COL4A3: variants seen among roughly 807,000 people sequenced by gnomAD.
The protein encoded by COL4A3 is collagen type IV alpha 3 chain.
A neutral mutation model predicts 217.4 loss-of-function variants in COL4A3; 135 were observed. The ratio of observed to expected loss-of-function variants is 0.62; its 90% CI spans 0.54 to 0.72. COL4A3 has a LOEUF of 0.72. Among genes scored for constraint, COL4A3 ranks in the 30% least tolerant of loss-of-function variants. The probability of loss-of-function intolerance (pLI) is 0.00; values close to 1 mark genes in which losing one functional copy is unlikely to be tolerated. For missense variants in COL4A3, 1,868 were observed against 2,119.9 expected (o/e 0.88, Z 2.33); for synonymous variants, 690 against 736.3 (o/e 0.94, Z 1.02).
intron 1 of COL4A3, chr2:227,228,383 G>A (rs1275476396): frequency 6.6e-6 from 1 of 152,560 alleles, no homozygotes; most frequent in Non-Finnish European, 1.5e-5. Flanking sequence ...GCTATACTTG[G>A]TCAGCTCTTC....
At chr2:227,236,018 C>T (rs547275736) in intron 1 of COL4A3, among the ~76,000 whole-genome samples, 1 of 71,792 alleles carries the variant, frequency 1.4e-5, no homozygotes, top group East Asian at 2.1e-4. Context: ...AGGTGATCCG[C>T]CCCCCTGGGC....
chr2:227,190,224 G>A (rs2066180498), intron 1 of COL4A3, among the ~76,000 whole-genome samples: 1 of 152,190 alleles, frequency 6.6e-6, no homozygotes, highest in Non-Finnish European at 1.5e-5. Context: ...GCACATGCAG[G>A]TCCCTCAAGA....
At chr2:227,168,071 T>C (rs1312072250) in intron 1 of COL4A3, among the ~76,000 whole-genome samples, 7 of 152,262 alleles carry the variant, frequency 4.6e-5, no homozygotes. Context: ...TTTGTAGTAA[T>C]AGCTGCTGCA....
At chr2:227,195,242 TCATAATCCCAAATCACGTAAAATCC>T in intron 1 of COL4A3, among the ~76,000 whole-genome samples, 1 of 151,640 alleles carries the variant, frequency 6.6e-6, no homozygotes. Context: ...AAAAATAAAA[TCATAATCCCAAATCACGTAAAATCC>T]CATAATCCCA....
intron 46 of COL4A3, 84 bp from the exon 47 acceptor site, chr2:227,304,901 A>G: frequency 1.8e-6 from 2 of 1,122,360 alleles, no homozygotes; most frequent in South Asian, 1.3e-5. Context: ...TGAAACTGAG[A>G]AAGTCCTGGG....
At chr2:227,236,390 G>A (rs924509565) in intron 1 of COL4A3, among the ~76,000 whole-genome samples, 2 of 152,060 alleles carry the variant, frequency 1.3e-5, no homozygotes, top group African/African-American at 4.8e-5. Context: ...CAAGACTAAG[G>A]AAAGATATTC....
chr2:227,231,453 T>G (rs936587002), intron 1 of COL4A3, among the ~76,000 whole-genome samples: 2 of 152,204 alleles, frequency 1.3e-5, no homozygotes, highest in Non-Finnish European at 2.9e-5. Context: ...CAATATGAAA[T>G]AAGCACATCA....
intron 20 of COL4A3, 87 bp from the exon 21 acceptor site, chr2:227,263,693 A>T: frequency 1.5e-6 from 2 of 1,336,788 alleles, no homozygotes; most frequent in Non-Finnish European, 2.1e-6. Context: ...TTTTATAAAT[A>T]AAATTAAATC....
intron 42 of COL4A3, 130 bp from the exon 43 acceptor site, chr2:227,298,552 T>C (rs1001594637): frequency 7.5e-7 from 1 of 1,330,692 alleles, no homozygotes; most frequent in Non-Finnish European, 1.1e-6. Flanking sequence ...TCCCATCACA[T>C]GCTCCAGGGG....
At chr2:227,219,906 G>A (rs1432043555) in intron 1 of COL4A3, among the ~76,000 whole-genome samples, 1 of 152,090 alleles carries the variant, frequency 6.6e-6, no homozygotes, top group Non-Finnish European at 1.5e-5. Context: ...GAGGTATCCT[G>A]TCCTTTGAGG....
At chr2:227,224,535 G>A (rs1471342423) in intron 1 of COL4A3, among the ~76,000 whole-genome samples, 3 of 152,182 alleles carry the variant, frequency 2.0e-5, no homozygotes, top group Non-Finnish European at 4.4e-5. Context: ...TGGATCACCT[G>A]AGGTCAGGAG....
At position 227,270,946 on chromosome 2, in the gene COL4A3, C is replaced by T. The variant is rs746928034; in HGVS notation, c.1752C>T (p.Gly584=). 3.7e-5 allele frequency: 60 copies of T among 1,613,728 alleles called. No homozygotes were observed. Among genetic ancestry groups the T allele is most frequent in the South Asian group, 4.4e-5 (4 of 91,068 alleles). The change falls in exon 25 of 52, where the codon GGC becomes GGT. Residue 584 remains glycine, a synonymous_variant. Coordinates refer to ENST00000396578, the MANE Select transcript of COL4A3 (RefSeq NM_000091.5). Reference sequence around the variant, plus strand: ...TGAAAGGATTACCAGGACCTAAAGGCGAACTGGTTGGTATTTAGCAACTTT... The same window carrying T: ...TGAAAGGATTACCAGGACCTAAAGGTGAACTGGTTGGTATTTAGCAACTTT... ...PGVKGLPGPK[G]ELALSGEKGD... is the part of the protein sequence containing the mutation.
intron 1 of COL4A3, among the ~76,000 whole-genome samples, chr2:227,227,262 C>T (rs2068149173): frequency 6.6e-6 from 1 of 152,130 alleles, no homozygotes; most frequent in South Asian, 2.1e-4. Context: ...AGAAACATAC[C>T]CCTCCTCCCC....
At chr2:227,237,905 C>T in intron 1 of COL4A3, 63 bp from the exon 2 acceptor site, 3 of 1,244,650 alleles carry the variant, frequency 2.4e-6, no homozygotes, top group South Asian at 2.4e-5. Flanking sequence ...TTGCTTTTAC[C>T]CTGCCGGTTG....
chr2:227,296,037 A>ACACTG (rs1400512119), intron 41 of COL4A3, among the ~76,000 whole-genome samples: 1 of 152,248 alleles, frequency 6.6e-6, no homozygotes, highest in Non-Finnish European at 1.5e-5. Context: ...GAGGCCTAAC[A>ACACTG]CACTGAAGGG....
In COL4A3 at chr2:227,245,948, T is replaced by C; in HGVS notation, c.325-6T>C. 6.2e-7 allele frequency: 1 copy of C among 1,613,600 alleles called. No individual in the cohort carries two copies. The highest frequency in any genetic ancestry group is 1.3e-5 in the African/African-American group (1 of 75,044). ...CCCTCCTCATTGAGACTTGTTCTTC[T>C]TCCAGGGCACCCCAGGCAATACCGG... On this transcript the variant is annotated splice_region_variant and splice_polypyrimidine_tract_variant and intron_variant, in intron 5 of 51. Transcript: ENST00000396578.
At chr2:227,290,959 G>A in intron 37 of COL4A3, 73 bp downstream of exon 37, 2 of 1,516,718 alleles carry the variant, frequency 1.3e-6, no homozygotes, top group East Asian at 4.7e-5. Context: ...CAAGTACCCA[G>A]ATTCGGTGTG....
At chr2:227,292,489 C>T (rs2072802181) in intron 37 of COL4A3, among the ~76,000 whole-genome samples, 1 of 152,108 alleles carries the variant, frequency 6.6e-6, no homozygotes, top group Non-Finnish European at 1.5e-5. Flanking sequence ...GCATTGAACA[C>T]AAAATGAGCT....
Position 227,294,943 on chromosome 2 carries a change from GGT to G in COL4A3, c.3419-20_3419-19del, listed in dbSNP as rs1491480167. Reference sequence around the variant, plus strand: ...TGTATACCATAGTTTGGGGTTTTTGGGTTTTTTTTTTTTTTTTCAGGTCTTCC... The same window carrying G: ...TGTATACCATAGTTTGGGGTTTTTGGTTTTTTTTTTTTTTTCAGGTCTTCC... On this transcript the variant is annotated intron_variant, in intron 39 of 51. Transcript: ENST00000396578. 5.8e-6 allele frequency: 8 copies of G among 1,388,514 alleles called. No homozygotes were observed. The East Asian group carries it at 7.3e-5, about 13-fold the overall frequency. The allele number at this position is 1,388,514 out of a possible 1,614,324, so 86.0% of individuals were successfully genotyped here.
Sources: gnomAD v4.1 joint callset for allele counts (sites outside exome capture counted in the v4.1 genomes callset) on GRCh38, gnomAD v4.1.1 for gene constraint, MANE v1.5 for transcripts, NCBI Gene and HGNC (gene_info 2026-07-23, HGNC 2026-07-21) for gene names.